MACROD2: variants seen among roughly 807,000 people sequenced by gnomAD.
MACROD2 encodes mono-ADP ribosylhydrolase 2, also known as ADP-ribose glycohydrolase MACROD2.
In MACROD2, 36 loss-of-function variants were observed where a neutral mutation model predicts 70.4. The ratio of observed to expected loss-of-function variants is 0.51; its 90% CI spans 0.39 to 0.68. The LOEUF (loss-of-function observed/expected upper bound fraction) is 0.68. MACROD2 is among the 30% of genes least tolerant of loss of function. MACROD2 has a pLI of 0.00. For missense variants in MACROD2, 496 were observed against 538.4 expected (o/e 0.92, Z 0.78); for synonymous variants, 172 against 178.8 (o/e 0.96, Z 0.30).
intron 3 of MACROD2, among the ~76,000 whole-genome samples, chr20:14,449,714 A>T (rs919216168): frequency 6.6e-6 from 1 of 152,144 alleles, no homozygotes; most frequent in East Asian, 1.9e-4. Context: ...TCCCCTTGGG[A>T]TAGTTTTCAT....
chr20:15,571,428 CT>C (rs11480945), intron 8 of MACROD2, among the ~76,000 whole-genome samples: 6 of 149,604 alleles, frequency 4.0e-5, no homozygotes, highest in African/African-American at 1.2e-4. Context: ...CCTGTTTTTT[CT>C]TTTTTTTTGG....
intron 3 of MACROD2, among the ~76,000 whole-genome samples, chr20:14,101,342 A>G (rs145986501): frequency 0.012 from 1,892 of 152,230 alleles, 22 homozygotes; most frequent in Middle Eastern, 0.048. Context: ...TATGAGAGAT[A>G]AAATGATGAG....
At chr20:14,737,160 G>T (rs2071676443) in intron 5 of MACROD2, among the ~76,000 whole-genome samples, 1 of 151,992 alleles carries the variant, frequency 6.6e-6, no homozygotes, top group Admixed American at 6.6e-5. Flanking sequence ...GTGTCCATGT[G>T]TTCTCATTGT....
At chr20:14,618,156 T>C (rs994212201) in intron 4 of MACROD2, among the ~76,000 whole-genome samples, 1 of 152,056 alleles carries the variant, frequency 6.6e-6, no homozygotes, top group African/African-American at 2.4e-5. Context: ...AAATAATGCC[T>C]GGCACTTAGA....
At chr20:14,195,831 A>G (rs1286753306) in intron 3 of MACROD2, among the ~76,000 whole-genome samples, 1 of 152,094 alleles carries the variant, frequency 6.6e-6, no homozygotes, top group East Asian at 1.9e-4. Context: ...AGCTACTTCC[A>G]CTCAATAAAA....
chr20:15,257,675 TGTCA>T (rs1264591960), intron 6 of MACROD2, among the ~76,000 whole-genome samples: 1 of 152,086 alleles, frequency 6.6e-6, no homozygotes, highest in Non-Finnish European at 1.5e-5. Context: ...CATTCTGTGC[TGTCA>T]GTCACACATT....
intron 8 of MACROD2, among the ~76,000 whole-genome samples, chr20:15,520,996 G>A (rs183359211): frequency 8.9e-4 from 135 of 152,332 alleles, no homozygotes; most frequent in Non-Finnish European, 1.5e-3. Flanking sequence ...TTAATGGCAA[G>A]TGGGTGTTTA....
intron 2 of MACROD2, among the ~76,000 whole-genome samples, chr20:14,012,235 A>G (rs971613284): frequency 3.9e-5 from 6 of 152,222 alleles, no homozygotes; most frequent in Non-Finnish European, 7.3e-5. Flanking sequence ...AGACTTCTTT[A>G]TAACACATAT....
At chr20:15,994,631 A>G (rs2066602899) in intron 15 of MACROD2, among the ~76,000 whole-genome samples, 1 of 152,218 alleles carries the variant, frequency 6.6e-6, no homozygotes, top group African/African-American at 2.4e-5. Flanking sequence ...GAGAATTCAT[A>G]AAGAATTTAA....
intron 5 of MACROD2, among the ~76,000 whole-genome samples, chr20:15,214,861 T>C (rs1245796116): frequency 1.3e-5 from 2 of 152,150 alleles, no homozygotes; most frequent in Non-Finnish European, 2.9e-5. Context: ...AAAACACTAC[T>C]CAGTAAGGAT....
At chr20:15,457,911 A>C (rs758021759) in intron 7 of MACROD2, among the ~76,000 whole-genome samples, 1 of 151,778 alleles carries the variant, frequency 6.6e-6, no homozygotes, top group Non-Finnish European at 1.5e-5. Context: ...AGATAACATA[A>C]TATAACCTAA....
At chr20:15,509,142 G>A (rs1361264940) in intron 8 of MACROD2, among the ~76,000 whole-genome samples, 1 of 152,166 alleles carries the variant, frequency 6.6e-6, no homozygotes, top group Admixed American at 6.5e-5. Flanking sequence ...TCCTTCAGAT[G>A]TGTTGGCTGG....
intron 5 of MACROD2, among the ~76,000 whole-genome samples, chr20:15,091,954 C>T (rs1024614006): frequency 6.6e-6 from 1 of 152,036 alleles, no homozygotes; most frequent in Non-Finnish European, 1.5e-5. Context: ...TTTTTAAATA[C>T]TGAGTTCTTT....
At chr20:14,477,561 A>G (rs2123062025) in intron 3 of MACROD2, among the ~76,000 whole-genome samples, 1 of 152,234 alleles carries the variant, frequency 6.6e-6, no homozygotes, top group South Asian at 2.1e-4. Context: ...GTATAGGTCT[A>G]CTTCTTTCTA....
chr20:15,217,364 A>G (rs2076819814), intron 5 of MACROD2, among the ~76,000 whole-genome samples: 1 of 152,124 alleles, frequency 6.6e-6, no homozygotes, highest in South Asian at 2.1e-4. Flanking sequence ...TTTATTCCCC[A>G]CACAACAAAC....
intron 5 of MACROD2, among the ~76,000 whole-genome samples, chr20:14,710,797 C>G (rs907276197): frequency 6.6e-6 from 1 of 152,252 alleles, no homozygotes; most frequent in Middle Eastern, 3.4e-3. Flanking sequence ...TATTTTAAAA[C>G]CTTTCTGCAA....
intron 3 of MACROD2, among the ~76,000 whole-genome samples, chr20:14,222,206 T>C (rs2081681628): frequency 6.6e-6 from 1 of 152,186 alleles, no homozygotes; most frequent in South Asian, 2.1e-4. Context: ...CAGCACAATA[T>C]TCACAATAGC....
chr20:14,852,371 T>C (rs1316432444), intron 5 of MACROD2, among the ~76,000 whole-genome samples: 3 of 152,050 alleles, frequency 2.0e-5, no homozygotes, highest in Admixed American at 6.5e-5. Context: ...AATAGTTTTA[T>C]TAGAGTGATG....
At chr20:14,382,254 G>C (rs1472466144) in intron 3 of MACROD2, among the ~76,000 whole-genome samples, 1 of 151,666 alleles carries the variant, frequency 6.6e-6, no homozygotes, top group African/African-American at 2.4e-5. Context: ...TAGAGACGGG[G>C]TTTCACCATG....
Sources: gnomAD v4.1 joint callset for allele counts (sites outside exome capture counted in the v4.1 genomes callset) on GRCh38, gnomAD v4.1.1 for gene constraint, MANE v1.5 for transcripts, NCBI Gene and HGNC (gene_info 2026-07-23, HGNC 2026-07-21) for gene names.